ZNF618: variants seen among roughly 807,000 people sequenced by gnomAD.
The protein encoded by ZNF618 is neural precursor cell expressed, developmentally down-regulated 10.
Under a neutral mutation model 103.0 loss-of-function variants are expected in ZNF618, and 34 were observed. The observed-to-expected ratio is 0.33, with a 90% CI of 0.25 to 0.44. ZNF618 has a LOEUF of 0.44. Ranked by LOEUF, ZNF618 falls within the 20% of genes least tolerant of loss-of-function variation. The probability of loss-of-function intolerance (pLI) is 1.00; values close to 1 mark genes in which losing one functional copy is unlikely to be tolerated. For synonymous variants in ZNF618, 551 were observed against 542.2 expected (o/e 1.02, Z -0.23); for missense variants, 1,059 against 1,295.4 (o/e 0.82, Z 2.80).
chr9:114,023,956 A>T (rs554402919), intron 10 of ZNF618, among the ~76,000 whole-genome samples: 1 of 152,176 alleles, frequency 6.6e-6, no homozygotes, highest in Non-Finnish European at 1.5e-5. Flanking sequence ...TTCTTGGATC[A>T]TGAGTGTACA....
intron 1 of ZNF618, among the ~76,000 whole-genome samples, chr9:113,943,084 A>T (rs1834691326): frequency 6.6e-6 from 1 of 152,150 alleles, no homozygotes; most frequent in South Asian, 2.1e-4. Flanking sequence ...GAGATAGGGT[A>T]GGGGTGTGAT....
intron 14 of ZNF618, 128 bp from the exon 15 acceptor site, chr9:114,048,523 C>A: frequency 1.0e-6 from 1 of 989,796 alleles, no homozygotes; most frequent in Non-Finnish European, 1.5e-6. Flanking sequence ...CCAGCACCAC[C>A]CATGTGTGTG....
In ZNF618 at chr9:113,998,260, T is replaced by C. The variant is rs937330773; in HGVS notation, c.339T>C (p.Asp113=). Residue 113 remains aspartate (D), a splice_region_variant and synonymous_variant, in exon 4 of 15, where the codon GAT becomes GAC. Coordinates refer to ENST00000374126, the MANE Select transcript of ZNF618 (RefSeq NM_001318042.2). The part of the protein sequence containing the change: ...IGGVRNQQTL[D]GKAPEGSPHG... ...TTTCTGATTTCTTACGTAATTCAGA[T>C]GGAAAAGCGCCCGAAGGCAGCCCCC... The C allele has an allele frequency of 3.2e-6, 5 of 1,550,438 alleles. No homozygotes were observed. The highest frequency in any genetic ancestry group is 4.4e-6 in the Non-Finnish European group (5 of 1,146,994).
At chr9:114,016,655 C>A in intron 9 of ZNF618, 40 bp from the exon 10 acceptor site, 1 of 1,539,242 alleles carries the variant, frequency 6.5e-7, no homozygotes, top group Non-Finnish European at 9.0e-7. Flanking sequence ...TGGTGGAGGC[C>A]AGTTGCACAT....
intron 11 of ZNF618, 137 bp downstream of exon 11, chr9:114,029,109 TC>T: frequency 7.7e-7 from 1 of 1,296,912 alleles, no homozygotes; most frequent in Non-Finnish European, 1.0e-6. Flanking sequence ...CAAATCTGAG[TC>T]CCAGCTCTGC....
chr9:113,922,057 A>T (rs1832700531), intron 1 of ZNF618, among the ~76,000 whole-genome samples: 1 of 152,284 alleles, frequency 6.6e-6, no homozygotes, highest in East Asian at 1.9e-4. Context: ...CGATACTTTG[A>T]TGTATGTACT....
At chr9:113,932,245 G>A (rs1239640605) in intron 1 of ZNF618, among the ~76,000 whole-genome samples, 4 of 152,292 alleles carry the variant, frequency 2.6e-5, no homozygotes, top group African/African-American at 9.6e-5. Flanking sequence ...CTTGCAATTG[G>A]TGGGGAACAG....
rs749716528 is a variant in ZNF618 at position 113,880,659 on chromosome 9, C to T, written c.33+4246C>T. On this transcript the variant is annotated intron_variant, in intron 1 of 14. Transcript: ENST00000374126. ...AATCACAATCAGAATTTTTTAAAAACAAGAATAGACTAGAATATAGGGGAA... is the reference window on the plus strand; with the variant it reads ...AATCACAATCAGAATTTTTTAAAAATAAGAATAGACTAGAATATAGGGGAA... Among the ~76,000 whole-genome samples, 3 of 151,926 alleles carry T rather than the reference C, an allele frequency of 2.0e-5. No homozygotes were observed. In the South Asian group the frequency reaches 6.2e-4, roughly 32 times the overall value.
intron 2 of ZNF618, among the ~76,000 whole-genome samples, chr9:113,972,901 A>T (rs138935788): frequency 1.5e-3 from 225 of 152,160 alleles, no homozygotes; most frequent in Non-Finnish European, 2.7e-3. Context: ...ACCCTGTCTC[A>T]ACTTAAAAAA....
intron 1 of ZNF618, among the ~76,000 whole-genome samples, chr9:113,956,545 A>G (rs1836317154): frequency 6.6e-6 from 1 of 152,186 alleles, no homozygotes; most frequent in South Asian, 2.1e-4. Context: ...TCTTGACGTA[A>G]CACATCCTTA....
intron 6 of ZNF618, among the ~76,000 whole-genome samples, chr9:114,004,939 A>C (rs1406985912): frequency 6.6e-6 from 1 of 152,232 alleles, no homozygotes; most frequent in Non-Finnish European, 1.5e-5. Context: ...AAGCAGACAG[A>C]CATATTCACT....
At chr9:113,944,034 G>C (rs961379408) in intron 1 of ZNF618, among the ~76,000 whole-genome samples, 3 of 152,188 alleles carry the variant, frequency 2.0e-5, no homozygotes, top group African/African-American at 7.2e-5. Context: ...GTTGAGGCTG[G>C]ATTGCCTCTT....
intron 9 of ZNF618, among the ~76,000 whole-genome samples, chr9:114,013,324 A>C (rs73556490): frequency 0.011 from 1,695 of 152,388 alleles, 39 homozygotes; most frequent in African/African-American, 0.036. Context: ...AACTGTGAGT[A>C]GTAAAACAAG....
intron 1 of ZNF618, among the ~76,000 whole-genome samples, chr9:113,893,419 ATAT>A (rs1829779099): frequency 6.6e-6 from 1 of 152,192 alleles, no homozygotes; most frequent in Non-Finnish European, 1.5e-5. Flanking sequence ...CAATCTAGTG[ATAT>A]TATAGAGAAA....
At chr9:113,961,260 CTGAT>C (rs1050079861) in intron 1 of ZNF618, among the ~76,000 whole-genome samples, 7 of 152,184 alleles carry the variant, frequency 4.6e-5, no homozygotes, top group African/African-American at 1.4e-4. Flanking sequence ...TAATTATAAA[CTGAT>C]TGATTGAAGC....
At chr9:113,917,997 A>G (rs531194359) in intron 1 of ZNF618, among the ~76,000 whole-genome samples, 36 of 152,264 alleles carry the variant, frequency 2.4e-4, no homozygotes, top group South Asian at 4.1e-4. Flanking sequence ...TTTCTGGCCT[A>G]GGAGCCGATC....
At chr9:113,999,845 C>T (rs533091883) in intron 4 of ZNF618, among the ~76,000 whole-genome samples, 1 of 152,312 alleles carries the variant, frequency 6.6e-6, no homozygotes, top group East Asian at 1.9e-4. Flanking sequence ...CAGTGCCCGG[C>T]ACATTGCAGG....
rs571453361 is a variant in ZNF618 at position 113,921,506 on chromosome 9, A to G, written c.33+45093A>G. 1.4e-4 allele frequency among the ~76,000 whole-genome samples: 22 copies of G among 152,354 alleles called. No individual in the cohort carries two copies. In the South Asian group the frequency reaches 4.6e-3, roughly 32 times the overall value. On this transcript the variant is annotated intron_variant, in intron 1 of 14. Coordinates refer to ENST00000374126, the MANE Select transcript of ZNF618 (RefSeq NM_001318042.2). ...GGCTTCTTCATGGTTATGGCCCAGCAGAGAATCCAGTCTGGTTTTCCAGAG... is the reference window on the plus strand; with the variant it reads ...GGCTTCTTCATGGTTATGGCCCAGCGGAGAATCCAGTCTGGTTTTCCAGAG...
intron 6 of ZNF618, among the ~76,000 whole-genome samples, chr9:114,006,688 G>C (rs1035901735): frequency 6.6e-6 from 1 of 152,180 alleles, no homozygotes; most frequent in African/African-American, 2.4e-5. Flanking sequence ...TGGGTCCTTT[G>C]GCGCTGGGTC....
Sources: allele counts gnomAD v4.1 joint callset (sites outside exome capture counted in the v4.1 genomes callset), GRCh38; gene constraint gnomAD v4.1.1; transcripts MANE v1.5; gene names NCBI Gene and HGNC (gene_info 2026-07-23, HGNC 2026-07-21).